Variants in TBL1Y observed in about 807,000 individuals in gnomAD.
TBL1Y encodes the protein transducin beta like 1 Y-linked, also known as F-box-like/WD repeat-containing protein TBL1Y.
TBL1Y carries 15 observed loss-of-function variants against 12.0 expected under a neutral mutation model. The ratio of observed to expected loss-of-function variants is 1.25; its 90% CI spans 0.83 to 1.92. The LOEUF (loss-of-function observed/expected upper bound fraction) is 1.92, where lower values mean the gene tolerates loss of function less well. Ranked by LOEUF, TBL1Y falls within the 40% of genes most tolerant of loss-of-function variation. The pLI, the probability that TBL1Y is intolerant of heterozygous loss-of-function variation, is 0.00. For missense variants in TBL1Y, 148 were observed against 116.7 expected (o/e 1.27, Z -1.24); for synonymous variants, 53 against 42.6 (o/e 1.24, Z -0.95).
intron 13 of TBL1Y, among the ~76,000 whole-genome samples, chrY:7,075,199 T>C (rs2013054698): frequency 3.0e-5 from 1 of 33,099 alleles, no homozygotes; most frequent in African/African-American, 1.2e-4. Flanking sequence ...ACATGGGTCC[T>C]GCAGGAAACA....
At chrY:6,936,865 T>C in intron 2 of TBL1Y, among the ~76,000 whole-genome samples, 1 of 33,346 alleles carries the variant, frequency 3.0e-5, no homozygotes, top group South Asian at 6.8e-4. Context: ...TTTAGGATGG[T>C]TAAATTTTAG....
chrY:6,931,769 A>G, intron 2 of TBL1Y, among the ~76,000 whole-genome samples: 2 of 34,131 alleles, frequency 5.9e-5, no homozygotes, highest in Non-Finnish European at 1.5e-4. Context: ...TTACAAAATT[A>G]GAAACACTAG....
intron 3 of TBL1Y, among the ~76,000 whole-genome samples, chrY:6,981,435 C>G: frequency 3.0e-5 from 1 of 33,297 alleles, no homozygotes; most frequent in East Asian, 7.6e-4. Context: ...ATTAGTTATT[C>G]ATCATTAATT....
At chrY:6,993,720 G>A (rs760771624) in intron 3 of TBL1Y, among the ~76,000 whole-genome samples, 6 of 32,156 alleles carry the variant, frequency 1.9e-4, no homozygotes, top group African/African-American at 7.2e-4. Flanking sequence ...TGAGATGGAG[G>A]CTCAGAAGGC....
At chrY:7,089,501 C>T in intron 17 of TBL1Y, among the ~76,000 whole-genome samples, 4 of 33,054 alleles carry the variant, frequency 1.2e-4, no homozygotes, top group Admixed American at 1.1e-3. Flanking sequence ...ATAGGAAGTC[C>T]GTGAGCTGGC....
intron 7 of TBL1Y, among the ~76,000 whole-genome samples, chrY:7,043,729 A>C: frequency 3.0e-5 from 1 of 32,811 alleles, no homozygotes; most frequent in South Asian, 7.1e-4. Flanking sequence ...AAACAATTAC[A>C]TTGCCACATC....
intron 2 of TBL1Y, among the ~76,000 whole-genome samples, chrY:6,932,557 T>C: frequency 6.0e-5 from 2 of 33,569 alleles, no homozygotes; most frequent in Non-Finnish European, 1.5e-4. Flanking sequence ...CATTGCAGCC[T>C]CCACTTCCAG....
At chrY:6,996,226 G>A (rs113964678) in intron 4 of TBL1Y, among the ~76,000 whole-genome samples, 269 of 33,365 alleles carry the variant, frequency 8.1e-3, no homozygotes, top group African/African-American at 0.029. Flanking sequence ...AAGAGAAGAC[G>A]TTTTGCCCTT....
chrY:7,062,146 G>C (rs2012875259), intron 7 of TBL1Y, among the ~76,000 whole-genome samples: 1 of 32,064 alleles, frequency 3.1e-5, no homozygotes, highest in Non-Finnish European at 7.6e-5. Context: ...GACACTGAAT[G>C]GGGGAACATA....
At chrY:6,946,554 G>A in intron 2 of TBL1Y, among the ~76,000 whole-genome samples, 1 of 33,080 alleles carries the variant, frequency 3.0e-5, no homozygotes, top group African/African-American at 1.2e-4. Context: ...CAACTCCTGG[G>A]TTCAAGCACT....
At chrY:7,063,582 T>G (rs371745214) in intron 7 of TBL1Y, among the ~76,000 whole-genome samples, 3 of 32,234 alleles carry the variant, frequency 9.3e-5, no homozygotes, top group Admixed American at 2.8e-4. Context: ...GCAGGTAATC[T>G]GAATGAGTCA....
chrY:7,028,466 G>A (rs1024417070), intron 6 of TBL1Y, among the ~76,000 whole-genome samples: 1 of 34,060 alleles, frequency 2.9e-5, no homozygotes, highest in Non-Finnish European at 7.3e-5. Flanking sequence ...AGGTCATCTG[G>A]CTTTTAGCAA....
intron 3 of TBL1Y, among the ~76,000 whole-genome samples, chrY:6,985,885 AAAG>A (rs2012313333): frequency 3.0e-5 from 1 of 33,031 alleles, no homozygotes; most frequent in Non-Finnish European, 7.4e-5. Context: ...TCTTCTGAGC[AAAG>A]CTTCACTGGG....
intron 16 of TBL1Y, among the ~76,000 whole-genome samples, chrY:7,086,701 C>T (rs2013139436): frequency 3.2e-5 from 1 of 30,891 alleles, no homozygotes; most frequent in Non-Finnish European, 7.7e-5. Context: ...GCTATCTCTA[C>T]TAAAAAATAC....
intron 4 of TBL1Y, among the ~76,000 whole-genome samples, chrY:6,998,546 C>T: frequency 3.2e-5 from 1 of 30,863 alleles, no homozygotes; most frequent in Non-Finnish European, 7.8e-5. Context: ...ATGATCACAT[C>T]GGTGCATTCC....
chrY:7,058,473 G>A (rs2124169946), intron 7 of TBL1Y, among the ~76,000 whole-genome samples: 1 of 33,049 alleles, frequency 3.0e-5, no homozygotes, highest in East Asian at 8.1e-4. Context: ...ACCCCAGGCT[G>A]TAGAATCCTG....
intron 2 of TBL1Y, among the ~76,000 whole-genome samples, chrY:6,977,224 G>T (rs1026053074): frequency 8.1e-4 from 27 of 33,211 alleles, no homozygotes; most frequent in Middle Eastern, 0.014. Flanking sequence ...GGTGTAGACA[G>T]ATTGCAGGGC....
At chrY:7,069,549 A>C in intron 8 of TBL1Y, among the ~76,000 whole-genome samples, 1 of 33,507 alleles carries the variant, frequency 3.0e-5, no homozygotes, top group Non-Finnish European at 7.4e-5. Flanking sequence ...CCCTCTTTTC[A>C]TGAGAACAGC....
chrY:7,062,812 A>G, intron 7 of TBL1Y, among the ~76,000 whole-genome samples: 1 of 33,497 alleles, frequency 3.0e-5, no homozygotes, highest in Non-Finnish European at 7.4e-5. Flanking sequence ...TCAGTCCCCC[A>G]CAGTGGGGAT....
Sources: gnomAD v4.1 joint callset for allele counts (sites outside exome capture counted in the v4.1 genomes callset) on GRCh38, gnomAD v4.1.1 for gene constraint, MANE v1.5 for transcripts, NCBI Gene and HGNC (gene_info 2026-07-23, HGNC 2026-07-21) for gene names.